Variants in CUBN observed in about 807,000 individuals in gnomAD.
CUBN encodes the protein cubilin.
CUBN carries 282 observed loss-of-function variants against 405.3 expected under a neutral mutation model. The ratio of observed to expected loss-of-function variants is 0.70; its 90% CI spans 0.63 to 0.77. The LOEUF is 0.77. CUBN is among the 30% of genes least tolerant of loss of function. The probability of loss-of-function intolerance (pLI) is 0.00; values close to 1 mark genes in which losing one functional copy is unlikely to be tolerated. For missense variants in CUBN, 4,514 were observed against 4,475.2 expected, an observed-to-expected ratio of 1.01 and a Z score of -0.25; for synonymous variants, 1,684 against 1,617.0, an observed-to-expected ratio of 1.04 and a Z score of -0.99.
intron 62 of CUBN, among the ~76,000 whole-genome samples, chr10:16,836,690 T>C (rs780951641): frequency 2.0e-5 from 3 of 152,226 alleles, no homozygotes; most frequent in Non-Finnish European, 2.9e-5. Flanking sequence ...GCTCTGAGGA[T>C]CTAGGCTGTT....
At chr10:16,864,398 G>A (rs1004974980) in intron 59 of CUBN, among the ~76,000 whole-genome samples, 1 of 151,970 alleles carries the variant, frequency 6.6e-6, no homozygotes, top group Non-Finnish European at 1.5e-5. Flanking sequence ...TTGGGCGGGG[G>A]GCTTGAAAAT....
intron 6 of CUBN, among the ~76,000 whole-genome samples, chr10:17,120,566 T>C (rs1452013486): frequency 6.6e-6 from 1 of 152,238 alleles, no homozygotes; most frequent in East Asian, 1.9e-4. Flanking sequence ...CGTACTGTTC[T>C]TACAAAGTTG....
At chr10:16,928,532 C>CCCCCCCT (rs1403918589) in intron 40 of CUBN, among the ~76,000 whole-genome samples, 9 of 107,090 alleles carry the variant, frequency 8.4e-5, no homozygotes, top group Admixed American at 1.0e-4. Context: ...CCACCCCCCC[C>CCCCCCCT]TTTTTTTTTT....
chr10:16,862,191 C>CAT (rs1342080410), intron 59 of CUBN, among the ~76,000 whole-genome samples: 1 of 151,248 alleles, frequency 6.6e-6, no homozygotes, highest in Non-Finnish European at 1.5e-5. Context: ...CACACACACA[C>CAT]ACATCACATC....
At chr10:17,025,697 A>G (rs1834644191) in intron 27 of CUBN, among the ~76,000 whole-genome samples, 1 of 152,208 alleles carries the variant, frequency 6.6e-6, no homozygotes, top group Admixed American at 6.5e-5. Context: ...CACATAAAAG[A>G]GTTCACAGAA....
intron 6 of CUBN, among the ~76,000 whole-genome samples, chr10:17,117,444 A>G (rs1200684397): frequency 6.6e-6 from 1 of 152,024 alleles, no homozygotes; most frequent in African/African-American, 2.4e-5. Flanking sequence ...GCATGATCTC[A>G]GCTCACTGCA....
chr10:16,876,862 A>G, intron 57 of CUBN, 35 bp downstream of exon 57: 2 of 1,579,760 alleles, frequency 1.3e-6, no homozygotes, highest in Non-Finnish European at 8.7e-7. Context: ...TCAGAAAAGA[A>G]GAAAATTCCA....
intron 14 of CUBN, among the ~76,000 whole-genome samples, chr10:17,095,574 G>A (rs1836355710): frequency 6.6e-6 from 1 of 152,148 alleles, no homozygotes; most frequent in East Asian, 1.9e-4. Context: ...ATACTTGTTA[G>A]AATGGCCATT....
In CUBN at chr10:17,035,198, C is replaced by A. The variant is rs150773886; in HGVS notation, c.4017+5835G>T. On this transcript the variant is annotated intron_variant, in intron 27 of 66. Coordinates refer to ENST00000377833, the MANE Select transcript of CUBN (RefSeq NM_001081.4). The stretch of plus-strand genomic sequence containing the variant: ...AAATCAGGAATAATTTTGGGGGGTG[C>A]AAAAAAGGAGAACCCTCTAAAGAAA... Among the ~76,000 whole-genome samples the A allele has an allele frequency of 1.1e-3, 170 of 151,738 alleles. 1 individual carries two copies. Among genetic ancestry groups the A allele is most frequent in the African/African-American group, 3.8e-3 (157 of 41,410 alleles).
rs74431427 is a variant in CUBN, at chr10:16,840,376, G to C, written c.9986C>G (p.Ser3329Trp). The change falls in exon 62 of 67, where the codon TCG becomes TGG. Residue 3329 changes from serine (S) to tryptophan (W), a missense_variant. Coordinates refer to ENST00000377833, the MANE Select transcript of CUBN (RefSeq NM_001081.4). ...KITVWALQLT[S>W]QDCTQNYLQL... ...TAAGTAATTCTGCGTGCAGTCTTGC[G>C]AGGTCAGCTGTAATGCCCACACAGT... is the stretch of plus-strand genomic sequence containing the variant. 6.2e-7 allele frequency: 1 copy of C among 1,613,970 alleles called. No homozygotes were observed. The highest frequency in any genetic ancestry group is 1.3e-5 in the African/African-American group (1 of 74,878).
Position 16,906,402 on chromosome 10 carries a change from A to G in CUBN, c.7713T>C (p.Gly2571=), listed in dbSNP as rs765628878. ...CTTCAGGAGTATTTGGAAGAGACCCACCACACACTAAGAAAACAGAAGGCA... is the reference window on the plus strand; with the variant it reads ...CTTCAGGAGTATTTGGAAGAGACCCGCCACACACTAAGAAAACAGAAGGCA... The part of the protein sequence containing the change: ...SYTSSEDAVC[G]GSLPNTPEGN... Residue 2571 remains glycine, a synonymous_variant, in exon 50 of 67, where the codon GGT becomes GGC. Coordinates refer to ENST00000377833, the MANE Select transcript of CUBN (RefSeq NM_001081.4). 5.6e-6 allele frequency: 9 copies of G among 1,611,978 alleles called. 1 individual carries two copies. In the South Asian group the frequency reaches 9.9e-5, roughly 18 times the overall value.
chr10:17,041,018 CT>C lies in CUBN; in HGVS notation c.4017+14del, dbSNP rs1267616497. 8.7e-6 allele frequency: 14 copies of C among 1,610,338 alleles called. No homozygotes were observed. The highest frequency in any genetic ancestry group is 1.2e-5 in the Non-Finnish European group (14 of 1,176,718). ...TCTGAAAAAGCAGTGATCAATCAAG[CT>C]TTATAATACATACCTCTAAATAATC... On this transcript the variant is annotated intron_variant, in intron 27 of 66. Transcript: ENST00000377833.
At chr10:16,835,597 CA>C (rs1266748045) in intron 63 of CUBN, among the ~76,000 whole-genome samples, 7 of 141,404 alleles carry the variant, frequency 5.0e-5, no homozygotes, top group African/African-American at 1.6e-4. Flanking sequence ...TTATTTGTGG[CA>C]AATCGTTATT....
intron 35 of CUBN, 34 bp from the exon 36 acceptor site, chr10:16,947,401 G>C: frequency 6.2e-7 from 1 of 1,611,930 alleles, no homozygotes; most frequent in Non-Finnish European, 8.5e-7. Context: ...GAGTATCAGA[G>C]CAAAGACTGC....
At chr10:17,071,632 T>C (rs368966063) in intron 18 of CUBN, 28 bp from the exon 19 acceptor site, 149 of 1,599,342 alleles carry the variant, frequency 9.3e-5, no homozygotes, top group Middle Eastern at 1.7e-4. Flanking sequence ...ATAGTAGTGC[T>C]TGTCCAGATA....
At chr10:16,874,608 G>T in intron 57 of CUBN, 105 bp from the exon 58 acceptor site, 2 of 1,389,220 alleles carry the variant, frequency 1.4e-6, no homozygotes, top group Non-Finnish European at 2.0e-6. Context: ...CCTAAAAGAG[G>T]TAATAATTAT....
chr10:17,017,531 G>C (rs1488744614), intron 28 of CUBN, among the ~76,000 whole-genome samples: 1 of 152,200 alleles, frequency 6.6e-6, no homozygotes, highest in African/African-American at 2.4e-5. Context: ...GGGATCTCCA[G>C]AGTTGGAAGA....
intron 64 of CUBN, among the ~76,000 whole-genome samples, chr10:16,834,554 G>A (rs917698415): frequency 1.3e-5 from 2 of 152,176 alleles, no homozygotes; most frequent in East Asian, 1.9e-4. Flanking sequence ...GGATGTTGAC[G>A]ATGCCCCAAA....
At position 16,824,935 on chromosome 10, in the gene CUBN, G is replaced by C; in HGVS notation, c.*40C>G. On this transcript the variant is annotated 3_prime_UTR_variant, in exon 67 of 67. Coordinates refer to ENST00000377833, the MANE Select transcript of CUBN (RefSeq NM_001081.4). ...ATGGCAGAGTGCTGTCCAGCGTGCT[G>C]CAGAGGGAAAGTGCTGAGTGAACAC... 4 of 1,412,774 alleles carry C rather than the reference G, an allele frequency of 2.8e-6. No individual in the cohort carries two copies. The East Asian group carries it at 6.9e-5, about 24-fold the overall frequency. The allele number at this position is 1,412,774 out of a possible 1,614,324, so 87.5% of individuals were successfully genotyped here. A position where few individuals can be genotyped will look rare whatever the true frequency, so the allele number is the denominator to read the frequency against.
Sources: allele counts gnomAD v4.1 joint callset (sites outside exome capture counted in the v4.1 genomes callset), GRCh38; gene constraint gnomAD v4.1.1; transcripts MANE v1.5; gene names NCBI Gene and HGNC (gene_info 2026-07-23, HGNC 2026-07-21).